The following COL24A1 variants were observed in gnomAD, a reference collection of about 807,000 sequenced individuals.
COL24A1 encodes collagen type XXIV alpha 1 chain, also known as collagen alpha-1(XXIV) chain.
Under a neutral mutation model 253.9 loss-of-function variants are expected in COL24A1, and 224 were observed. The ratio of observed to expected loss-of-function variants is 0.88; its 90% CI spans 0.79 to 0.99. The LOEUF (loss-of-function observed/expected upper bound fraction) is 0.99. Among genes scored for constraint, COL24A1 ranks in the 50% least tolerant of loss-of-function variants. The pLI, the probability that COL24A1 is intolerant of heterozygous loss-of-function variation, is 0.00. For missense variants in COL24A1, 2,131 were observed against 2,068.5 expected (o/e 1.03, Z -0.59); for synonymous variants, 685 against 673.7 (o/e 1.02, Z -0.26).
chr1:85,868,822 G>A lies in COL24A1; in HGVS notation c.3152C>T (p.Ala1051Val), dbSNP rs746423444. The change falls in exon 36 of 60, where the codon GCT becomes GTT. Residue 1051 changes from alanine to valine, a missense_variant. By Grantham distance (64) the Ala-to-Val change is moderately conservative. Transcript: ENST00000370571. ...TCCCTGGAGACCTTCTTCTCCAGGA[G>A]CTCCTGGTTCACCCTATTTTGTAGC... ...GEPGLRGEPG[A>V]PGEEGLQGKD... is the part of the protein sequence containing the mutation. The A allele has an allele frequency of 3.8e-6, 6 of 1,589,332 alleles. No homozygotes were observed. The East Asian group carries it at 1.1e-4, about 30-fold the overall frequency.
chr1:86,026,831 C>G (rs1398204433), intron 14 of COL24A1, among the ~76,000 whole-genome samples: 1 of 152,174 alleles, frequency 6.6e-6, no homozygotes, highest in East Asian at 1.9e-4. Context: ...TTGGAACTTC[C>G]TAGAGACTTA....
intron 47 of COL24A1, among the ~76,000 whole-genome samples, chr1:85,794,714 A>G (rs1380383053): frequency 6.6e-6 from 1 of 152,206 alleles, no homozygotes; most frequent in Non-Finnish European, 1.5e-5. Flanking sequence ...TTTGTCTAAA[A>G]CAATTCAGCC....
At chr1:86,031,044 G>A (rs1315038527) in intron 14 of COL24A1, among the ~76,000 whole-genome samples, 3 of 152,056 alleles carry the variant, frequency 2.0e-5, no homozygotes, top group Admixed American at 2.0e-4. Context: ...CCAAAATACA[G>A]AATCAACTTA....
chr1:85,784,355 C>T lies in COL24A1; in HGVS notation c.4071G>A (p.Gly1357=), dbSNP rs1463066433. 4 of 1,612,614 alleles carry T rather than the reference C, an allele frequency of 2.5e-6. No homozygotes were observed. The highest frequency in any genetic ancestry group is 2.5e-6 in the Non-Finnish European group (3 of 1,178,936). The part of the protein sequence containing the change: ...PGIQGPKGEQ[G]LPGQPGIQGK... ...CTTGAATTCCAGGTTGACCAGGTAG[C>T]CCTTGTTCACCCTATGGGTAGAACA... The change falls in exon 49 of 60, where the codon GGG becomes GGA. Residue 1357 remains glycine (G), a synonymous_variant. Coordinates refer to ENST00000370571, the MANE Select transcript of COL24A1 (RefSeq NM_152890.7).
chr1:85,839,413 T>C (rs1438555001), intron 42 of COL24A1, among the ~76,000 whole-genome samples: 1 of 152,086 alleles, frequency 6.6e-6, no homozygotes, highest in African/African-American at 2.4e-5. Flanking sequence ...AATCCTACTT[T>C]ACCATTCTTC....
At chr1:86,141,773 G>A (rs970375020) in intron 2 of COL24A1, among the ~76,000 whole-genome samples, 2 of 150,768 alleles carry the variant, frequency 1.3e-5, no homozygotes, top group African/African-American at 2.4e-5. Flanking sequence ...CGATCTCAGC[G>A]CCCTGCAACC....
intron 18 of COL24A1, among the ~76,000 whole-genome samples, chr1:86,019,893 G>A (rs1697339615): frequency 6.6e-6 from 1 of 151,732 alleles, no homozygotes; most frequent in Non-Finnish European, 1.5e-5. Context: ...AAATACTAAG[G>A]GCTTTAAGAT....
intron 28 of COL24A1, among the ~76,000 whole-genome samples, chr1:85,901,397 A>G (rs1684277331): frequency 6.6e-6 from 1 of 152,110 alleles, no homozygotes; most frequent in Non-Finnish European, 1.5e-5. Flanking sequence ...AAAAACAAAA[A>G]TCAATAGCTA....
At chr1:86,053,388 T>A (rs964770133) in intron 10 of COL24A1, among the ~76,000 whole-genome samples, 3 of 152,084 alleles carry the variant, frequency 2.0e-5, no homozygotes, top group Non-Finnish European at 4.4e-5. Context: ...TTAAATAGAA[T>A]AATGTTATAA....
intron 7 of COL24A1, among the ~76,000 whole-genome samples, chr1:86,082,852 C>T (rs1702752730): frequency 6.6e-6 from 1 of 150,694 alleles, no homozygotes; most frequent in South Asian, 2.1e-4. Flanking sequence ...TGCATTATAC[C>T]ACTTGAGACT....
At chr1:85,986,509 C>T (rs1008297458) in intron 20 of COL24A1, among the ~76,000 whole-genome samples, 1 of 151,826 alleles carries the variant, frequency 6.6e-6, no homozygotes, top group Non-Finnish European at 1.5e-5. Context: ...ACGTAATTTA[C>T]TATCAAAGCT....
intron 3 of COL24A1, among the ~76,000 whole-genome samples, chr1:86,117,502 A>G (rs913109175): frequency 2.6e-5 from 4 of 152,210 alleles, no homozygotes; most frequent in Non-Finnish European, 4.4e-5. Flanking sequence ...ATTTTGTTAC[A>G]GCAGCCTGAA....
intron 12 of COL24A1, 53 bp downstream of exon 12, chr1:86,046,772 T>C: frequency 6.3e-7 from 1 of 1,595,920 alleles, no homozygotes; most frequent in Non-Finnish European, 8.6e-7. Context: ...TAAGAACACA[T>C]AACCAGGTTA....
At chr1:85,959,791 A>C (rs1362131303) in intron 24 of COL24A1, among the ~76,000 whole-genome samples, 1 of 152,188 alleles carries the variant, frequency 6.6e-6, no homozygotes, top group Non-Finnish European at 1.5e-5. Context: ...TATTAAGTAA[A>C]TAACACTTAA....
chr1:86,079,136 C>T (rs938865240), intron 7 of COL24A1, among the ~76,000 whole-genome samples: 2 of 152,006 alleles, frequency 1.3e-5, no homozygotes, highest in African/African-American at 4.8e-5. Context: ...AATAGAGAAC[C>T]CAGAAATAAA....
intron 19 of COL24A1, among the ~76,000 whole-genome samples, chr1:86,012,576 G>A (rs1354391114): frequency 6.6e-6 from 1 of 151,838 alleles, no homozygotes; most frequent in Admixed American, 6.6e-5. Context: ...GCAACAGAGT[G>A]AGACTCTGTC....
At chr1:85,896,216 A>G in intron 29 of COL24A1, 140 bp downstream of exon 29, 1 of 1,167,252 alleles carries the variant, frequency 8.6e-7, no homozygotes, top group South Asian at 1.4e-5. Flanking sequence ...TGTAGTAAAA[A>G]CTTTATGCGT....
intron 6 of COL24A1, among the ~76,000 whole-genome samples, chr1:86,090,103 G>A (rs1219877202): frequency 1.3e-5 from 2 of 152,156 alleles, no homozygotes; most frequent in African/African-American, 2.4e-5. Context: ...AATTGATTGG[G>A]AAGTCCATCA....
At chr1:86,044,285 T>C (rs1024332122) in intron 12 of COL24A1, among the ~76,000 whole-genome samples, 7 of 152,182 alleles carry the variant, frequency 4.6e-5, no homozygotes, top group Admixed American at 6.5e-5. Flanking sequence ...CATTTATACA[T>C]AGGATAACAT....
Sources: gnomAD v4.1 joint callset for allele counts (sites outside exome capture counted in the v4.1 genomes callset) on GRCh38, gnomAD v4.1.1 for gene constraint, MANE v1.5 for transcripts, NCBI Gene and HGNC (gene_info 2026-07-23, HGNC 2026-07-21) for gene names.